Variants in NDC1 observed in about 807,000 individuals in gnomAD.
NDC1 encodes nucleoporin NDC1.
In NDC1, 24 loss-of-function variants were observed where a neutral mutation model predicts 89.8. The observed-to-expected ratio is 0.27, with a 90% CI of 0.19 to 0.38. The LOEUF is 0.38. NDC1 is among the 10% of genes least tolerant of loss of function. The pLI is 1.00. For synonymous variants in NDC1, 296 were observed against 284.8 expected, an observed-to-expected ratio of 1.04 and a Z score of -0.39; for missense variants, 728 against 797.6, an observed-to-expected ratio of 0.91 and a Z score of 1.05.
chr1:53,802,446 T>C (rs1486456649), intron 10 of NDC1, among the ~76,000 whole-genome samples: 1 of 152,062 alleles, frequency 6.6e-6, no homozygotes, highest in Non-Finnish European at 1.5e-5. Context: ...GCAGGAGAAC[T>C]GCTTGACCCC....
chr1:53,813,023 G>A (rs372779710), intron 6 of NDC1, among the ~76,000 whole-genome samples: 1 of 152,174 alleles, frequency 6.6e-6, no homozygotes, highest in East Asian at 1.9e-4. Flanking sequence ...CATATATGAA[G>A]AAAACATACA....
At chr1:53,777,003 A>G (rs983646115) in intron 16 of NDC1, among the ~76,000 whole-genome samples, 1 of 151,752 alleles carries the variant, frequency 6.6e-6, no homozygotes, top group African/African-American at 2.4e-5. Flanking sequence ...ACCTACATGG[A>G]TAATTGCAAG....
At chr1:53,793,364 T>A in intron 13 of NDC1, 85 bp from the exon 14 acceptor site, 2 of 1,104,932 alleles carry the variant, frequency 1.8e-6, no homozygotes, top group Non-Finnish European at 2.7e-6. Flanking sequence ...TTCCAGACAG[T>A]AACTTAAATG....
At position 53,802,283 on chromosome 1, in the gene NDC1, T is replaced by C. The variant is rs140553873; in HGVS notation, c.1067-1435A>G. 6.9e-3 allele frequency among the ~76,000 whole-genome samples: 1,055 copies of C among 152,288 alleles called. 10 individuals are homozygous for C. The highest frequency in any genetic ancestry group is 0.02 in the Middle Eastern group (6 of 294). ...TTTATATAACTGGATTTCATTTCCA[T>C]ATAACATTTAACTATAGAAGGTTTA... On this transcript the variant is annotated intron_variant, in intron 10 of 17. Coordinates refer to ENST00000371429, the MANE Select transcript of NDC1 (RefSeq NM_018087.5).
rs1647066310 is a variant in NDC1, at chr1:53,766,385, G to C, written c.*1585C>G. The stretch of plus-strand genomic sequence containing the variant: ...TTGTGTTAATACATGGAAGACAACA[G>C]TTCTCAGTCAACCTAGCCACAATTT... On this transcript the variant is annotated 3_prime_UTR_variant, in exon 18 of 18. Transcript: ENST00000371429. The C allele has an allele frequency of 6.6e-6, 1 of 152,164 alleles. No individual in the cohort carries two copies. The highest frequency in any genetic ancestry group is 1.5e-5 in the Non-Finnish European group (1 of 68,016). The allele number at this position is 152,164 out of a possible 1,614,324, so 9.4% of individuals were successfully genotyped here.
At chr1:53,798,250 C>G (rs1647791559) in intron 11 of NDC1, among the ~76,000 whole-genome samples, 1 of 149,676 alleles carries the variant, frequency 6.7e-6, no homozygotes, top group Non-Finnish European at 1.5e-5. Context: ...CTCACTGCAA[C>G]CTCCGACTCC....
chr1:53,772,392 G>A lies in NDC1; in HGVS notation c.1898C>T (p.Ala633Val). 6.2e-7 allele frequency: 1 copy of A among 1,613,868 alleles called. No individual in the cohort carries two copies. Among genetic ancestry groups the A allele is most frequent in the Non-Finnish European group, 8.5e-7 (1 of 1,179,812 alleles). The change falls in exon 17 of 18, where the codon GCA becomes GTA. Residue 633 changes from alanine (A) to valine (V), a missense_variant. By Grantham distance (64) the Ala-to-Val change is moderately conservative. Transcript: ENST00000371429. ...GGCAGTTTTCAGTGATGCTCTGAATGCAAATCTTAATGTTTTATATGAAGT... is the reference window on the plus strand; with the variant it reads ...GGCAGTTTTCAGTGATGCTCTGAATACAAATCTTAATGTTTTATATGAAGT... ...VDTSYKTLRF[A>V]FRASLKTAIY...
intron 10 of NDC1, 132 bp downstream of exon 10, chr1:53,803,796 C>T: frequency 2.9e-6 from 2 of 678,122 alleles, no homozygotes; most frequent in Non-Finnish European, 5.4e-6. Context: ...TGGTCTTGAT[C>T]TCCTGACCTC....
rs1381363165 is a variant in NDC1 at position 53,834,053 on chromosome 1, G to A, written c.178+1447C>T. On this transcript the variant is annotated intron_variant, in intron 2 of 17. Coordinates refer to ENST00000371429, the MANE Select transcript of NDC1 (RefSeq NM_018087.5). ...CCGCCTCAGCCTCCCAAAGTGCTGG[G>A]ATTACAGGGGTGAGCCACCACACTC... Among the ~76,000 whole-genome samples, 3 of 152,250 alleles carry A rather than the reference G, an allele frequency of 2.0e-5. No homozygotes were observed. In the East Asian group the frequency reaches 5.8e-4, roughly 29 times the overall value.
chr1:53,780,186 C>T (rs1326536455), intron 16 of NDC1, among the ~76,000 whole-genome samples: 3 of 152,180 alleles, frequency 2.0e-5, no homozygotes, highest in Admixed American at 2.0e-4. Flanking sequence ...GATTCTCCCA[C>T]CTCAGCCTCC....
intron 3 of NDC1, among the ~76,000 whole-genome samples, chr1:53,830,087 G>A (rs1477565015): frequency 1.3e-5 from 2 of 151,970 alleles, no homozygotes; most frequent in African/African-American, 4.8e-5. Flanking sequence ...GGAGGCAGAG[G>A]CGTCAGCGAG....
chr1:53,820,141 G>A (rs748898688), intron 5 of NDC1, among the ~76,000 whole-genome samples: 1 of 151,868 alleles, frequency 6.6e-6, no homozygotes, highest in Non-Finnish European at 1.5e-5. Flanking sequence ...TGTAATCGCA[G>A]CTACTCGGGA....
At chr1:53,768,496 G>C (rs989328252) in intron 17 of NDC1, among the ~76,000 whole-genome samples, 2 of 152,156 alleles carry the variant, frequency 1.3e-5, no homozygotes, top group African/African-American at 4.8e-5. Context: ...ACAGCTTGGT[G>C]GTTTAGATTT....
At chr1:53,819,330 T>C (rs989093582) in intron 5 of NDC1, among the ~76,000 whole-genome samples, 2 of 152,236 alleles carry the variant, frequency 1.3e-5, no homozygotes, top group Non-Finnish European at 2.9e-5. Flanking sequence ...CCATACTTGG[T>C]ACTAAGCACT....
At chr1:53,789,794 C>T (rs1157030240) in intron 14 of NDC1, among the ~76,000 whole-genome samples, 6 of 134,660 alleles carry the variant, frequency 4.5e-5, no homozygotes, top group Non-Finnish European at 9.4e-5. Context: ...AGTGAAACTC[C>T]ATCTCAAAAA....
At chr1:53,782,970 T>A (rs1647227745) in intron 16 of NDC1, among the ~76,000 whole-genome samples, 1 of 152,098 alleles carries the variant, frequency 6.6e-6, no homozygotes, top group Non-Finnish European at 1.5e-5. Context: ...ATATAACTGA[T>A]TTTTTTTCTA....
chr1:53,769,305 G>A (rs1647092410), intron 17 of NDC1, among the ~76,000 whole-genome samples: 1 of 152,204 alleles, frequency 6.6e-6, no homozygotes, highest in South Asian at 2.1e-4. Flanking sequence ...TTGCACATAT[G>A]TAGGATGAAC....
At position 53,836,275 on chromosome 1, in the gene NDC1, G is replaced by A. The variant is rs570673292; in HGVS notation, c.58-655C>T. Among the ~76,000 whole-genome samples the A allele has an allele frequency of 5.1e-4, 77 of 152,156 alleles. 1 individual carries two copies. Among genetic ancestry groups the A allele is most frequent in the Non-Finnish European group, 8.8e-4 (60 of 67,986 alleles). ...GTCCACCAAAAAGCTGAGGCCGGGCGTGGTGGCTCACATCTGTATCCCAGC... is the reference window on the plus strand; with the variant it reads ...GTCCACCAAAAAGCTGAGGCCGGGCATGGTGGCTCACATCTGTATCCCAGC... On this transcript the variant is annotated intron_variant, in intron 1 of 17. Transcript: ENST00000371429.
chr1:53,766,950 C>A lies in NDC1; in HGVS notation c.*1020G>T, dbSNP rs1245233538. ...ACAACATACTTCCAAGTACAGTAAT[C>A]CCTCTGACGTTTTGGTTTCACTTGC... On this transcript the variant is annotated 3_prime_UTR_variant, in exon 18 of 18. Coordinates refer to ENST00000371429, the MANE Select transcript of NDC1 (RefSeq NM_018087.5). The A allele has an allele frequency of 1.2e-4, 18 of 152,194 alleles. No homozygotes were observed. 9.4% of individuals were successfully genotyped at this position (152,194 alleles called of 1,614,324 possible).
Sources: gnomAD v4.1 joint callset for allele counts (sites outside exome capture counted in the v4.1 genomes callset) on GRCh38, gnomAD v4.1.1 for gene constraint, MANE v1.5 for transcripts, NCBI Gene and HGNC (gene_info 2026-07-23, HGNC 2026-07-21) for gene names.